VAMP4: variants seen among roughly 807,000 people sequenced by gnomAD.
VAMP4 encodes vesicle associated membrane protein 4.
A neutral mutation model predicts 23.5 loss-of-function variants in VAMP4; 19 were observed. The ratio of observed to expected loss-of-function variants is 0.81; its 90% CI spans 0.56 to 1.19. VAMP4 has a LOEUF of 1.19. VAMP4 is among the 50% of genes most tolerant of loss of function. VAMP4 has a pLI of 0.00. For missense variants in VAMP4, 145 were observed against 168.6 expected, an observed-to-expected ratio of 0.86 and a Z score of 0.78; for synonymous variants, 31 against 51.0, an observed-to-expected ratio of 0.61 and a Z score of 1.67.
At chr1:171,730,676 AAGAG>A (rs1167702511) in intron 2 of VAMP4, among the ~76,000 whole-genome samples, 1 of 145,780 alleles carries the variant, frequency 6.9e-6, no homozygotes, top group Non-Finnish European at 1.5e-5. Context: ...TTAGTAACAA[AAGAG>A]AGAGGGAAGG....
chr1:171,717,858 T>C (rs924291563), intron 4 of VAMP4, among the ~76,000 whole-genome samples: 1 of 152,172 alleles, frequency 6.6e-6, no homozygotes, highest in South Asian at 2.1e-4. Flanking sequence ...TGGCTTGTTG[T>C]ATCTTTAGTC....
At chr1:171,709,852 C>T (rs1200520937) in intron 5 of VAMP4, 108 bp from the exon 6 acceptor site, 4 of 844,216 alleles carry the variant, frequency 4.7e-6, no homozygotes, top group Middle Eastern at 2.5e-4. Context: ...CAAATTTATT[C>T]CCTTTTAAGC....
chr1:171,737,651 A>C (rs970977927), intron 2 of VAMP4, among the ~76,000 whole-genome samples: 3 of 152,222 alleles, frequency 2.0e-5, no homozygotes, highest in Non-Finnish European at 4.4e-5. Context: ...GATATAACTA[A>C]ATATAGACTT....
rs922326204 is a variant in VAMP4, at chr1:171,738,240, T to C, written c.66+109A>G. 24 of 1,221,214 alleles carry C rather than the reference T, an allele frequency of 2.0e-5. 1 individual carries two copies. The highest frequency in any genetic ancestry group is 1.9e-4 in the Middle Eastern group (1 of 5,138). 75.6% of individuals were successfully genotyped at this position (1,221,214 alleles called of 1,614,324 possible). ...TGCTTCAGCGTCCCAAGTGCGGCGA[T>C]TGCAGGCATGAGCAACCACGCCCGG... On this transcript the variant is annotated intron_variant, in intron 2 of 7. Transcript: ENST00000236192.
Position 171,703,148 on chromosome 1 carries a change from G to T in VAMP4, c.*1358C>A, listed in dbSNP as rs144736558. On this transcript the variant is annotated 3_prime_UTR_variant, in exon 8 of 8. Coordinates refer to ENST00000236192, the MANE Select transcript of VAMP4 (RefSeq NM_003762.5). ...TCTATTAACCCTATTTTTAATTTAG[G>T]GAGTTTTATATTCATATTGTCAAGA... 1 of 150,830 alleles carries T rather than the reference G, an allele frequency of 6.6e-6. No homozygotes were observed. The highest frequency in any genetic ancestry group is 1.5e-5 in the Non-Finnish European group (1 of 67,614). 9.3% of individuals were successfully genotyped at this position (150,830 alleles called of 1,614,324 possible).
At chr1:171,711,296 CAT>C (rs1312215971) in intron 4 of VAMP4, among the ~76,000 whole-genome samples, 5 of 152,150 alleles carry the variant, frequency 3.3e-5, no homozygotes, top group Admixed American at 3.3e-4. Flanking sequence ...GCTTATGAAA[CAT>C]ACCTAGTTTC....
chr1:171,712,854 A>T (rs1448434591), intron 4 of VAMP4, among the ~76,000 whole-genome samples: 1 of 152,248 alleles, frequency 6.6e-6, no homozygotes, highest in African/African-American at 2.4e-5. Flanking sequence ...ACAGATGATA[A>T]TCCCAGCCCT....
At chr1:171,723,694 A>G (rs1361433098) in intron 3 of VAMP4, among the ~76,000 whole-genome samples, 2 of 152,202 alleles carry the variant, frequency 1.3e-5, no homozygotes, top group African/African-American at 4.8e-5. Context: ...AGTTAATGCA[A>G]TCATCACAGG....
intron 1 of VAMP4, among the ~76,000 whole-genome samples, 190 bp from the exon 2 acceptor site, chr1:171,738,653 A>G (rs1655821032): frequency 6.6e-6 from 1 of 152,202 alleles, no homozygotes; most frequent in African/African-American, 2.4e-5. Context: ...AGAAATAGTT[A>G]AAATTATGAG....
At chr1:171,728,297 T>C (rs761370962) in intron 3 of VAMP4, among the ~76,000 whole-genome samples, 6 of 152,112 alleles carry the variant, frequency 3.9e-5, no homozygotes, top group Admixed American at 6.5e-5. Context: ...TCACCTGAAA[T>C]AGATGATTCT....
At chr1:171,722,540 A>T (rs1655229010) in intron 3 of VAMP4, among the ~76,000 whole-genome samples, 1 of 152,246 alleles carries the variant, frequency 6.6e-6, no homozygotes, top group African/African-American at 2.4e-5. Context: ...ATCTACAAAG[A>T]ACGTAAAGAA....
At chr1:171,712,052 T>C (rs566486032) in intron 4 of VAMP4, among the ~76,000 whole-genome samples, 273 of 152,242 alleles carry the variant, frequency 1.8e-3, no homozygotes, top group African/African-American at 6.3e-3. Context: ...CTACACCATG[T>C]AGGTTTGTGT....
intron 2 of VAMP4, among the ~76,000 whole-genome samples, chr1:171,729,104 T>A (rs978440589): frequency 1.3e-5 from 2 of 152,196 alleles, no homozygotes; most frequent in Non-Finnish European, 2.9e-5. Context: ...TAGACTTTTA[T>A]AACATACAAC....
chr1:171,735,197 CGTTCAGCAGTGATTGTGAGAAAG>C (rs1284310115), intron 2 of VAMP4, among the ~76,000 whole-genome samples: 2 of 152,068 alleles, frequency 1.3e-5, no homozygotes, highest in Admixed American at 6.6e-5. Context: ...AACAAATTTA[CGTTCAGCAGTGATTGTGAGAAAG>C]AAACACAGGG....
rs189238576 is a variant in VAMP4 at position 171,723,203 on chromosome 1, T to C, written c.114-3982A>G. ...AGGCAATAAAATATCACAAGGCAAA[T>C]GGGGGCAGAGCAAGATCACACGACT... On this transcript the variant is annotated intron_variant, in intron 3 of 7. Transcript: ENST00000236192. 4.6e-5 allele frequency among the ~76,000 whole-genome samples: 7 copies of C among 151,994 alleles called. No homozygotes were observed. The East Asian group carries it at 1.2e-3, about 25-fold the overall frequency.
chr1:171,733,319 A>AAAAT (rs1491046414), intron 2 of VAMP4, among the ~76,000 whole-genome samples: 1 of 144,404 alleles, frequency 6.9e-6, no homozygotes, highest in Non-Finnish European at 1.5e-5. Context: ...AAAAAAAAAA[A>AAAAT]ATTAGGCGTG....
chr1:171,715,403 C>G (rs541698692), intron 4 of VAMP4, among the ~76,000 whole-genome samples: 5 of 152,192 alleles, frequency 3.3e-5, no homozygotes, highest in South Asian at 2.1e-4. Flanking sequence ...TTCTAATTAC[C>G]AACAGAGAAG....
chr1:171,741,580 T>C (rs1003636905), intron 1 of VAMP4, among the ~76,000 whole-genome samples: 1 of 148,848 alleles, frequency 6.7e-6, no homozygotes, highest in Admixed American at 6.7e-5. Context: ...TCCTGCCCCA[T>C]TGTACCCCCT....
chr1:171,732,667 C>G (rs1655602653), intron 2 of VAMP4, among the ~76,000 whole-genome samples: 1 of 151,984 alleles, frequency 6.6e-6, no homozygotes. Context: ...AGAGTATGGC[C>G]ACAGCAGTAC....
Sources: allele counts gnomAD v4.1 joint callset (sites outside exome capture counted in the v4.1 genomes callset), GRCh38; gene constraint gnomAD v4.1.1; transcripts MANE v1.5; gene names NCBI Gene and HGNC (gene_info 2026-07-23, HGNC 2026-07-21).